Variants in ZNF385D observed in about 807,000 individuals in gnomAD.
The protein encoded by ZNF385D is zinc finger protein 385D, also known as zinc finger protein 659.
A neutral mutation model predicts 35.8 loss-of-function variants in ZNF385D; 15 were observed. The observed-to-expected ratio is 0.42, with a 90% CI of 0.28 to 0.64. The LOEUF (loss-of-function observed/expected upper bound fraction) is 0.64. Ranked by LOEUF, ZNF385D falls within the 30% of genes least tolerant of loss-of-function variation. The pLI is 0.23. For missense variants in ZNF385D, 474 were observed against 494.6 expected (o/e 0.96, Z 0.39); for synonymous variants, 212 against 186.8 (o/e 1.13, Z -1.10).
intron 3 of ZNF385D, among the ~76,000 whole-genome samples, chr3:21,904,643 A>G (rs1318187796): frequency 6.6e-6 from 1 of 152,160 alleles, no homozygotes; most frequent in South Asian, 2.1e-4. Flanking sequence ...GAATAACACA[A>G]ATCACACAGC....
intron 2 of ZNF385D, among the ~76,000 whole-genome samples, chr3:22,309,478 G>C (rs540353145): frequency 6.6e-6 from 1 of 151,824 alleles, no homozygotes; most frequent in African/African-American, 2.4e-5. Flanking sequence ...TTTTTGTCTC[G>C]ACTATATAGA....
rs146605858 is a variant in ZNF385D, at chr3:21,588,243, G to C, written c.166-23559C>G. ...GGGTCATAATAAGGCTTTATAGTGGGAGAAAAGTTACAAGTTAAGAGCAAA... is the reference window on the plus strand; with the variant it reads ...GGGTCATAATAAGGCTTTATAGTGGCAGAAAAGTTACAAGTTAAGAGCAAA... On this transcript the variant is annotated intron_variant, in intron 2 of 7. Transcript: ENST00000281523. 7.8e-3 allele frequency among the ~76,000 whole-genome samples: 1,183 copies of C among 152,270 alleles called. 18 individuals are homozygous for C. The highest frequency in any genetic ancestry group is 0.011 in the Non-Finnish European group (738 of 68,006).
chr3:21,454,115 T>G (rs548278145), intron 4 of ZNF385D, among the ~76,000 whole-genome samples: 24 of 152,072 alleles, frequency 1.6e-4, no homozygotes, highest in Non-Finnish European at 2.6e-4. Context: ...ACACGTTGTA[T>G]GATTCCATTT....
chr3:21,501,131 G>A (rs1010407177), intron 4 of ZNF385D, among the ~76,000 whole-genome samples: 13 of 152,108 alleles, frequency 8.5e-5, no homozygotes, highest in African/African-American at 2.9e-4. Flanking sequence ...AGCAGACACC[G>A]CTTCCTCCAG....
intron 3 of ZNF385D, among the ~76,000 whole-genome samples, chr3:22,056,857 T>C (rs1468070689): frequency 6.6e-6 from 1 of 152,222 alleles, no homozygotes; most frequent in Non-Finnish European, 1.5e-5. Context: ...TGTCTCATTG[T>C]GGAGCCCAGG....
intron 2 of ZNF385D, among the ~76,000 whole-genome samples, chr3:22,204,345 AAAGAC>A (rs1697006083): frequency 6.6e-6 from 1 of 152,018 alleles, no homozygotes; most frequent in South Asian, 2.1e-4. Context: ...TTGTATGATA[AAAGAC>A]AAGTTCCTCT....
At chr3:22,147,772 A>G (rs1704954786) in intron 3 of ZNF385D, among the ~76,000 whole-genome samples, 1 of 152,112 alleles carries the variant, frequency 6.6e-6, no homozygotes, top group African/African-American at 2.4e-5. Context: ...TTGAATCTAG[A>G]TCCTACTACT....
intron 2 of ZNF385D, among the ~76,000 whole-genome samples, chr3:22,243,888 T>C (rs1406770187): frequency 6.6e-6 from 1 of 150,868 alleles, no homozygotes; most frequent in Non-Finnish European, 1.5e-5. Context: ...GCTGGAAATA[T>C]GGCCCTTAAG....
At chr3:21,457,174 G>T (rs184394362) in intron 4 of ZNF385D, among the ~76,000 whole-genome samples, 1 of 152,212 alleles carries the variant, frequency 6.6e-6, no homozygotes, top group Non-Finnish European at 1.5e-5. Flanking sequence ...ATAAAGTGAT[G>T]CTTGGGAAGA....
chr3:22,108,560 T>A (rs746086053), intron 3 of ZNF385D, among the ~76,000 whole-genome samples: 1 of 152,182 alleles, frequency 6.6e-6, no homozygotes, highest in African/African-American at 2.4e-5. Flanking sequence ...GGATTTTACA[T>A]CTGGATAAAT....
chr3:21,529,130 G>A (rs193205712), intron 3 of ZNF385D, among the ~76,000 whole-genome samples: 1 of 152,112 alleles, frequency 6.6e-6, no homozygotes, highest in Admixed American at 6.6e-5. Flanking sequence ...TTCTTACTAA[G>A]TCAATATTTA....
At chr3:21,457,772 CAG>C (rs762502477) in intron 4 of ZNF385D, among the ~76,000 whole-genome samples, 39 of 152,280 alleles carry the variant, frequency 2.6e-4, no homozygotes, top group Non-Finnish European at 5.6e-4. Context: ...GTAAGATCCA[CAG>C]AGTTTCTAAA....
At chr3:21,703,809 A>G (rs1310867923) in intron 1 of ZNF385D, among the ~76,000 whole-genome samples, 1 of 152,140 alleles carries the variant, frequency 6.6e-6, no homozygotes, top group Non-Finnish European at 1.5e-5. Flanking sequence ...CTTTGGGATT[A>G]AACTGAGCCC....
intron 1 of ZNF385D, among the ~76,000 whole-genome samples, chr3:21,743,944 C>T (rs1575575949): frequency 6.6e-6 from 1 of 152,148 alleles, no homozygotes. Flanking sequence ...CATATTGGAT[C>T]CCAATTATTT....
intron 2 of ZNF385D, among the ~76,000 whole-genome samples, chr3:22,259,250 T>C (rs1559483847): frequency 6.6e-6 from 1 of 151,932 alleles, no homozygotes; most frequent in Non-Finnish European, 1.5e-5. Context: ...TCTCTGAGCT[T>C]ATCAGAAAAG....
intron 2 of ZNF385D, among the ~76,000 whole-genome samples, chr3:21,631,916 A>C (rs1215395600): frequency 6.6e-6 from 1 of 152,128 alleles, no homozygotes; most frequent in Non-Finnish European, 1.5e-5. Context: ...TGAAGCCTTC[A>C]GCTTCCTAGA....
intron 3 of ZNF385D, among the ~76,000 whole-genome samples, chr3:22,026,822 G>A (rs1249987629): frequency 6.6e-6 from 1 of 152,206 alleles, no homozygotes; most frequent in African/African-American, 2.4e-5. Context: ...CTTGAAAGAT[G>A]CAAGGGTGGT....
At chr3:21,921,329 T>C (rs1700450854) in intron 3 of ZNF385D, among the ~76,000 whole-genome samples, 1 of 152,132 alleles carries the variant, frequency 6.6e-6, no homozygotes, top group South Asian at 2.1e-4. Flanking sequence ...AGTATGTATT[T>C]GCATTATCAG....
intron 3 of ZNF385D, among the ~76,000 whole-genome samples, chr3:21,816,908 G>A (rs1018673734): frequency 6.6e-5 from 10 of 152,118 alleles, no homozygotes; most frequent in African/African-American, 9.7e-5. Context: ...AAAGCTGGAG[G>A]CATCACACTA....
Sources: gnomAD v4.1 joint callset for allele counts (sites outside exome capture counted in the v4.1 genomes callset) on GRCh38, gnomAD v4.1.1 for gene constraint, MANE v1.5 for transcripts, NCBI Gene and HGNC (gene_info 2026-07-23, HGNC 2026-07-21) for gene names.